Variants in CYLC2 observed in about 807,000 individuals in gnomAD.
CYLC2 encodes cylicin-2.
A neutral mutation model predicts 26.1 loss-of-function variants in CYLC2; 30 were observed. The observed-to-expected ratio is 1.15, with a 90% CI of 0.86 to 1.56. The LOEUF is 1.56. Among genes scored for constraint, CYLC2 ranks in the 40% most tolerant of loss-of-function variants. The pLI, the probability that CYLC2 is intolerant of heterozygous loss-of-function variation, is 0.00. For synonymous variants in CYLC2, 158 were observed against 132.8 expected (o/e 1.19, Z -1.31); for missense variants, 498 against 394.4 (o/e 1.26, Z -2.23).
chr9:103,014,574 T>TGCAGTATACATCATATGTATATTAC lies in CYLC2; in HGVS notation c.*817-2290_*817-2289insCGCAGTATACATCATATGTATATTA, dbSNP rs1554713784. Among the ~76,000 whole-genome samples the TGCAGTATACATCATATGTATATTAC allele has an allele frequency of 1.9e-4, 22 of 116,706 alleles. 1 individual carries two copies. The highest frequency in any genetic ancestry group is 6.8e-4 in the African/African-American group (22 of 32,182). The allele number at this position is 116,706 out of a possible 152,430, so 76.6% of individuals were successfully genotyped here. ...TGCAGTATACATCATATGTATATTA[T>TGCAGTATACATCATATGTATATTAC]GCAGTATACATCATATGTATATTAT... On this transcript the variant is annotated intron_variant, in intron 6 of 7. Transcript: ENST00000374798.
chr9:103,001,688 C>A, intron 2 of CYLC2, 70 bp downstream of exon 2: 1 of 969,524 alleles, frequency 1.0e-6, no homozygotes, highest in South Asian at 1.6e-5. Flanking sequence ...ATCCTCTATT[C>A]AAAGTGATAA....
intron 6 of CYLC2, among the ~76,000 whole-genome samples, chr9:103,015,240 A>T (rs1231532917): frequency 1.6e-5 from 2 of 123,106 alleles, no homozygotes; most frequent in African/African-American, 3.0e-5. Flanking sequence ...TTTATATATA[A>T]TCTGATATAT....
At position 102,995,364 on chromosome 9, in the gene CYLC2, A is replaced by C; in HGVS notation, c.-17A>C. On this transcript the variant is annotated 5_prime_UTR_variant, in exon 1 of 8. Coordinates refer to ENST00000374798, the MANE Select transcript of CYLC2 (RefSeq NM_001340.5). ...AACTTACAATACTTAAGTCCTGGCAAGTCATAAGTGGGGAAAATGTCTCTC... is the reference window on the plus strand; with the variant it reads ...AACTTACAATACTTAAGTCCTGGCACGTCATAAGTGGGGAAAATGTCTCTC... 6.2e-7 allele frequency: 1 copy of C among 1,600,994 alleles called. No homozygotes were observed. Among genetic ancestry groups the C allele is most frequent in the Admixed American group, 1.7e-5 (1 of 59,826 alleles).
chr9:103,017,289 AT>A (rs1263584241), intron 7 of CYLC2, among the ~76,000 whole-genome samples: 6 of 152,018 alleles, frequency 3.9e-5, no homozygotes, highest in African/African-American at 1.2e-4. Flanking sequence ...AATTCAAAAA[AT>A]ATTACAAAGT....
intron 6 of CYLC2, among the ~76,000 whole-genome samples, chr9:103,013,791 A>G (rs1829449445): frequency 8.9e-6 from 1 of 111,746 alleles, no homozygotes. Context: ...ATATGATTAT[A>G]TTTTATATTA....
intron 1 of CYLC2, among the ~76,000 whole-genome samples, chr9:102,996,576 A>G (rs1039006910): frequency 9.2e-5 from 14 of 151,920 alleles, no homozygotes; most frequent in African/African-American, 3.4e-4. Context: ...TTAATAACAA[A>G]TTAGCATATT....
intron 1 of CYLC2, among the ~76,000 whole-genome samples, chr9:103,000,456 A>G (rs1829277685): frequency 6.6e-6 from 1 of 152,190 alleles, no homozygotes; most frequent in Admixed American, 6.5e-5. Context: ...GGGTATCAAC[A>G]TTTCTTCTGT....
rs201304746 is a variant in CYLC2, at chr9:103,006,017, GACACACACACAC to G, written c.*383_*394del. On this transcript the variant is annotated 3_prime_UTR_variant, in exon 5 of 8. Coordinates refer to ENST00000374798, the MANE Select transcript of CYLC2 (RefSeq NM_001340.5). ...TGAAGATAATGACACTAAATCTATG[GACACACACACAC>G]ACACACACACACACACACACACACA... The G allele has an allele frequency of 0.14, 17,244 of 119,914 alleles. 1,287 individuals are homozygous for G. The highest frequency in any genetic ancestry group is 0.18 in the African/African-American group (5,182 of 29,134). The allele number at this position is 119,914 out of a possible 1,614,324, so 7.4% of individuals were successfully genotyped here.
At chr9:103,001,280 A>G (rs1203248815) in intron 1 of CYLC2, among the ~76,000 whole-genome samples, 4 of 62,970 alleles carry the variant, frequency 6.4e-5, no homozygotes, top group African/African-American at 6.1e-5. Flanking sequence ...CAATTTGCTT[A>G]TACACACACA....
At chr9:102,996,337 A>T (rs2118217225) in intron 1 of CYLC2, among the ~76,000 whole-genome samples, 1 of 152,030 alleles carries the variant, frequency 6.6e-6, no homozygotes, top group African/African-American at 2.4e-5. Context: ...ATTACTTTCA[A>T]ATATATAAGC....
At chr9:103,006,964 A>G (rs201342216) in intron 5 of CYLC2, among the ~76,000 whole-genome samples, 1 of 152,142 alleles carries the variant, frequency 6.6e-6, no homozygotes, top group East Asian at 1.9e-4. Context: ...GCTTATGTCA[A>G]TTAGCAAGAT....
chr9:103,007,554 AACT>A (rs1195542628), intron 5 of CYLC2, among the ~76,000 whole-genome samples: 1 of 152,168 alleles, frequency 6.6e-6, no homozygotes, highest in Non-Finnish European at 1.5e-5. Flanking sequence ...AAAACAGTAA[AACT>A]CTGTATTAAA....
chr9:102,999,332 T>C (rs1411771142), intron 1 of CYLC2, among the ~76,000 whole-genome samples: 1 of 151,894 alleles, frequency 6.6e-6, no homozygotes, highest in African/African-American at 2.4e-5. Flanking sequence ...TTAAACTCTG[T>C]ATCATATAAA....
intron 6 of CYLC2, among the ~76,000 whole-genome samples, chr9:103,016,204 A>G (rs1829504520): frequency 6.6e-6 from 1 of 151,860 alleles, no homozygotes; most frequent in African/African-American, 2.4e-5. Context: ...AACAGACCTG[A>G]TGGAGCATAA....
In CYLC2 at chr9:103,001,383, T is replaced by C. The variant is rs191678116; in HGVS notation, c.18-195T>C. 8.6e-5 allele frequency among the ~76,000 whole-genome samples: 13 copies of C among 151,992 alleles called. No homozygotes were observed. In the East Asian group the frequency reaches 2.0e-3, roughly 23 times the overall value. On this transcript the variant is annotated intron_variant, in intron 1 of 7. Coordinates refer to ENST00000374798, the MANE Select transcript of CYLC2 (RefSeq NM_001340.5). The stretch of plus-strand genomic sequence containing the variant: ...GTTTGTTTGATCGACCATTATTTAG[T>C]ACTGTTGTAATTTGAAAACACATTT...
At position 103,005,581 on chromosome 9, in the gene CYLC2, A is replaced by G; in HGVS notation, c.950A>G (p.Lys317Arg). ...DTEKESADSK[K>R]DAKKNAKKDA... is the part of the protein sequence containing the mutation. ...GAGAAAGAATCTGCTGATTCAAAGA[A>G]GGATGCAAAGAAAAATGCTAAGAAG... is the stretch of plus-strand genomic sequence containing the variant. Residue 317 changes from lysine to arginine, a missense_variant, in exon 5 of 8, where the codon AAG (lysine) becomes AGG (arginine). Physicochemically the swap from Lys to Arg is conservative, Grantham distance 26. Transcript: ENST00000374798. 6.2e-7 allele frequency: 1 copy of G among 1,609,578 alleles called. No individual in the cohort carries two copies. The highest frequency in any genetic ancestry group is 1.3e-5 in the African/African-American group (1 of 74,962).
intron 3 of CYLC2, 41 bp from the exon 4 acceptor site, chr9:103,004,654 T>C (rs770109250): frequency 1.4e-6 from 2 of 1,397,756 alleles, no homozygotes; most frequent in South Asian, 1.3e-5. Context: ...ACTGTGTTAT[T>C]CACTCACAAG....
Position 103,006,320 on chromosome 9 carries a change from C to A in CYLC2, c.*642C>A, listed in dbSNP as rs1228192710. ...ATCTTTCTTTCTGAAGTTTAAACAA[C>A]CACAGTCATGTTTATGGTTGTTGGA... On this transcript the variant is annotated 3_prime_UTR_variant, in exon 5 of 8. Transcript: ENST00000374798. 9 of 152,082 alleles carry A rather than the reference C, an allele frequency of 5.9e-5. No individual in the cohort carries two copies. In the East Asian group the frequency reaches 1.7e-3, roughly 29 times the overall value. The allele number at this position is 152,082 out of a possible 1,614,324, so 9.4% of individuals were successfully genotyped here.
At chr9:102,998,202 A>G (rs1829255922) in intron 1 of CYLC2, among the ~76,000 whole-genome samples, 2 of 152,072 alleles carry the variant, frequency 1.3e-5, no homozygotes, top group South Asian at 2.1e-4. Flanking sequence ...AGACACTTTA[A>G]TTTAATTTAA....
Sources: gnomAD v4.1 joint callset for allele counts (sites outside exome capture counted in the v4.1 genomes callset) on GRCh38, gnomAD v4.1.1 for gene constraint, MANE v1.5 for transcripts, NCBI Gene and HGNC (gene_info 2026-07-23, HGNC 2026-07-21) for gene names.